The following DNAH7 variants were observed in gnomAD, a reference collection of about 807,000 sequenced individuals.
The protein encoded by DNAH7 is axonemal beta dynein heavy chain 7.
Under a neutral mutation model 444.6 loss-of-function variants are expected in DNAH7, and 397 were observed. The ratio of observed to expected loss-of-function variants is 0.89; its 90% confidence interval spans 0.82 to 0.97. DNAH7 has a LOEUF of 0.97. Ranked by LOEUF, DNAH7 falls within the 50% of genes least tolerant of loss-of-function variation. The probability of loss-of-function intolerance (pLI) is 0.00; values close to 1 mark genes in which losing one functional copy is unlikely to be tolerated. For synonymous variants in DNAH7, 1,636 were observed against 1,624.4 expected (o/e 1.01, Z -0.17); for missense variants, 4,902 against 4,800.8 (o/e 1.02, Z -0.62).
Position 195,873,691 on chromosome 2 carries a change from C to A in DNAH7, c.6290G>T (p.Gly2097Val). 1 of 1,523,826 alleles carries A rather than the reference C, an allele frequency of 6.6e-7. No homozygotes were observed. The highest frequency in any genetic ancestry group is 8.7e-7 in the Non-Finnish European group (1 of 1,143,988). The allele number at this position is 1,523,826 out of a possible 1,614,324, so 94.4% of individuals were successfully genotyped here. A position where few individuals can be genotyped will look rare whatever the true frequency, so the allele number is the denominator to read the frequency against. ...QIMCAMGPPGGGRNPVTPRYM... is the reference protein window; with the variant it reads ...QIMCAMGPPGVGRNPVTPRYM... Reference sequence around the variant, plus strand: ...TCGAGGAGTTACTGGATTTCGACCACCACCTAAATATTAAAAAGTATAACT... The same window carrying A: ...TCGAGGAGTTACTGGATTTCGACCAACACCTAAATATTAAAAAGTATAACT... Residue 2097 changes from glycine (G) to valine (V), a missense_variant, in exon 39 of 65, where the codon GGT becomes GTT. Coordinates refer to ENST00000312428, the MANE Select transcript of DNAH7 (RefSeq NM_018897.3).
At chr2:195,850,109 T>C (rs1385065033) in intron 46 of DNAH7, among the ~76,000 whole-genome samples, 2 of 152,182 alleles carry the variant, frequency 1.3e-5, no homozygotes, top group African/African-American at 2.4e-5. Context: ...TTACCACAGA[T>C]GAACTCTGGA....
rs557189403 is a variant in DNAH7 at position 196,009,076 on chromosome 2, A to G, written c.989+3711T>C. On this transcript the variant is annotated intron_variant, in intron 10 of 64. Coordinates refer to ENST00000312428, the MANE Select transcript of DNAH7 (RefSeq NM_018897.3). Reference sequence around the variant, plus strand: ...CTTTTAAACAACCAGATCTTGTGTGAACTCAGAGCAAGAACTCACTTATTA... The same window carrying G: ...CTTTTAAACAACCAGATCTTGTGTGGACTCAGAGCAAGAACTCACTTATTA... 3.3e-5 allele frequency among the ~76,000 whole-genome samples: 5 copies of G among 152,228 alleles called. No homozygotes were observed. In the South Asian group the frequency reaches 8.3e-4, roughly 25 times the overall value.
chr2:196,024,550 G>A, intron 7 of DNAH7, 46 bp from the exon 8 acceptor site: 2 of 1,150,392 alleles, frequency 1.7e-6, no homozygotes, highest in Non-Finnish European at 2.4e-6. Flanking sequence ...TATATTAACT[G>A]TAGTACATTT....
At chr2:195,792,086 G>C (rs1695900335) in intron 57 of DNAH7, among the ~76,000 whole-genome samples, 1 of 145,808 alleles carries the variant, frequency 6.9e-6, no homozygotes, top group African/African-American at 2.5e-5. Flanking sequence ...ATAATCGTTT[G>C]AGCCCAAGAG....
rs75143899 is a variant in DNAH7, at chr2:195,973,444, T to C, written c.1834-978A>G. Among the ~76,000 whole-genome samples, 534 of 152,204 alleles carry C rather than the reference T, an allele frequency of 3.5e-3. 2 individuals carry two copies. The highest frequency in any genetic ancestry group is 0.017 in the South Asian group (81 of 4,820). ...TCTTTCCCTGAACTGTTTGGACCTA[T>C]ACAGTTTTTTTTGTTTGTTGTTTTG... is the stretch of plus-strand genomic sequence containing the variant. On this transcript the variant is annotated intron_variant, in intron 15 of 64. Coordinates refer to ENST00000312428, the MANE Select transcript of DNAH7 (RefSeq NM_018897.3).
chr2:195,738,078 T>A lies in DNAH7; in HGVS notation c.11918A>T (p.Tyr3973Phe). ...KRADIPKRPS[Y>F]VAPLYKTSER... ...ACTTGTCTTATACAATGGAGCAACA[T>A]AACTTGGCCGTTTTGGTATATCTGC... The change falls in exon 65 of 65, where the codon TAT (tyrosine) becomes TTT (phenylalanine). Residue 3973 changes from tyrosine (Y) to phenylalanine (F), a missense_variant. Tyr to Phe is a conservative substitution (Grantham distance 22). Coordinates refer to ENST00000312428, the MANE Select transcript of DNAH7 (RefSeq NM_018897.3). 6.2e-7 allele frequency: 1 copy of A among 1,613,990 alleles called. No individual in the cohort carries two copies. Among genetic ancestry groups the A allele is most frequent in the Non-Finnish European group, 8.5e-7 (1 of 1,179,856 alleles).
intron 44 of DNAH7, 142 bp downstream of exon 44, chr2:195,857,235 G>T: frequency 1.4e-6 from 1 of 714,174 alleles, no homozygotes; most frequent in Non-Finnish European, 2.2e-6. Flanking sequence ...CTTGCCTCCA[G>T]TAAATATGCA....
At chr2:195,883,452 C>CCG (rs150441620) in intron 35 of DNAH7, among the ~76,000 whole-genome samples, 7,390 of 133,532 alleles carry the variant, frequency 0.055, 433 homozygotes, top group African/African-American at 0.17. Flanking sequence ...AGTCCCCGCT[C>CCG]CCCCCCCCCA....
intron 42 of DNAH7, among the ~76,000 whole-genome samples, chr2:195,859,663 A>G (rs1223950946): frequency 6.6e-6 from 1 of 152,186 alleles, no homozygotes; most frequent in Non-Finnish European, 1.5e-5. Flanking sequence ...TTTTGTTTTA[A>G]AAAAATTCAT....
intron 54 of DNAH7, among the ~76,000 whole-genome samples, chr2:195,803,156 C>A (rs760761461): frequency 2.0e-4 from 31 of 152,302 alleles, no homozygotes; most frequent in South Asian, 6.2e-4. Context: ...AACAAAAAAA[C>A]CCCACTTTTT....
intron 21 of DNAH7, among the ~76,000 whole-genome samples, chr2:195,928,880 A>C (rs1688510776): frequency 6.6e-6 from 1 of 152,164 alleles, no homozygotes; most frequent in Non-Finnish European, 1.5e-5. Flanking sequence ...CAGAGCGATC[A>C]GGCAAGAGAA....
chr2:195,753,315 TC>T (rs1693895571), intron 63 of DNAH7, among the ~76,000 whole-genome samples: 1 of 151,798 alleles, frequency 6.6e-6, no homozygotes, highest in Admixed American at 6.6e-5. Flanking sequence ...AAAGCAAATA[TC>T]CCCGGGAATA....
At chr2:195,848,159 C>T (rs1239522997) in intron 46 of DNAH7, among the ~76,000 whole-genome samples, 1 of 152,180 alleles carries the variant, frequency 6.6e-6, no homozygotes, top group Non-Finnish European at 1.5e-5. Flanking sequence ...TGGGCACTGC[C>T]ATCTCCCTCA....
intron 40 of DNAH7, among the ~76,000 whole-genome samples, chr2:195,868,128 C>T (rs1370219176): frequency 2.2e-5 from 3 of 137,612 alleles, no homozygotes; most frequent in Non-Finnish European, 4.6e-5. Context: ...CAGAGTCTCG[C>T]TCTGTCACCC....
chr2:196,045,861 T>C (rs1697088655), intron 5 of DNAH7, among the ~76,000 whole-genome samples: 1 of 151,766 alleles, frequency 6.6e-6, no homozygotes, highest in African/African-American at 2.4e-5. Context: ...CAACATATGA[T>C]AAATAGGAAA....
chr2:195,992,179 G>C (rs1297569530), intron 12 of DNAH7, among the ~76,000 whole-genome samples: 4 of 152,088 alleles, frequency 2.6e-5, no homozygotes, highest in Non-Finnish European at 5.9e-5. Context: ...GGAAAAGCTT[G>C]GCATAAATGG....
chr2:196,020,266 T>C (rs1474482476), intron 8 of DNAH7, among the ~76,000 whole-genome samples: 1 of 152,144 alleles, frequency 6.6e-6, no homozygotes, highest in African/African-American at 2.4e-5. Context: ...GTTAAGCTTA[T>C]ATATTTAACC....
chr2:196,059,833 A>G (rs1698036473), intron 1 of DNAH7, among the ~76,000 whole-genome samples: 1 of 152,128 alleles, frequency 6.6e-6, no homozygotes, highest in Non-Finnish European at 1.5e-5. Flanking sequence ...TTCTCCCATG[A>G]GGTCTTAAAT....
intron 10 of DNAH7, among the ~76,000 whole-genome samples, chr2:196,009,987 C>T (rs1694628108): frequency 6.6e-6 from 1 of 152,070 alleles, no homozygotes. Context: ...CAGGGAAATG[C>T]AAATCAAAAG....
Sources: gnomAD v4.1 joint callset for allele counts (sites outside exome capture counted in the v4.1 genomes callset) on GRCh38, gnomAD v4.1.1 for gene constraint, MANE v1.5 for transcripts, NCBI Gene and HGNC (gene_info 2026-07-23, HGNC 2026-07-21) for gene names.